The following CDC42BPB variants were observed in gnomAD, a reference collection of about 807,000 sequenced individuals.
CDC42BPB encodes the protein CDC42 binding protein kinase beta.
In CDC42BPB, 37 loss-of-function variants were observed where a neutral mutation model predicts 214.9. That is an observed-to-expected ratio of 0.17 (90% CI 0.13 to 0.23). The LOEUF (loss-of-function observed/expected upper bound fraction) is 0.23. Ranked by LOEUF, CDC42BPB falls within the 10% of genes least tolerant of loss-of-function variation. The pLI is 1.00. For missense variants in CDC42BPB, 1,694 were observed against 2,227.0 expected (o/e 0.76, Z 4.82); for synonymous variants, 931 against 884.0 (o/e 1.05, Z -0.94).
rs1260341251 is a variant in CDC42BPB at position 102,933,076 on chromosome 14, T to G, written c.*636A>C. 6.6e-6 allele frequency: 1 copy of G among 152,460 alleles called. No homozygotes were observed. The highest frequency in any genetic ancestry group is 2.4e-5 in the African/African-American group (1 of 41,430). 9.4% of individuals were successfully genotyped at this position (152,460 alleles called of 1,614,324 possible). On this transcript the variant is annotated 3_prime_UTR_variant, in exon 37 of 37. Transcript: ENST00000361246. ...CTGACTTCACAGTAGTAGATACTGG[T>G]GACACTTCATGGCTGCGACCCAGAA...
At position 102,949,805 on chromosome 14, in the gene CDC42BPB, T is replaced by C; in HGVS notation, c.3409A>G (p.Thr1137Ala). Residue 1137 changes from threonine to alanine, a missense_variant, in exon 26 of 37, where the codon ACC becomes GCC. Physicochemically the swap from Thr to Ala is moderately conservative, Grantham distance 58. Transcript: ENST00000361246. ...FLYDLPEGKS[T>A]QPGVIASQVL... ...TGGCTCGCAATGACACCAGGCTGGGTGGATTTTCCTTCAGGCAGATCATAC... is the reference window on the plus strand; with the variant it reads ...TGGCTCGCAATGACACCAGGCTGGGCGGATTTTCCTTCAGGCAGATCATAC... The C allele has an allele frequency of 6.2e-7, 1 of 1,613,356 alleles. No homozygotes were observed. Among genetic ancestry groups the C allele is most frequent in the Non-Finnish European group, 8.5e-7 (1 of 1,179,980 alleles).
At chr14:102,959,291 C>G (rs1231137599) in intron 21 of CDC42BPB, among the ~76,000 whole-genome samples, 2 of 59,282 alleles carry the variant, frequency 3.4e-5, no homozygotes, top group African/African-American at 8.8e-5. Flanking sequence ...AGCAAGACTC[C>G]GTCTCAAAAA....
chr14:103,043,801 T>C (rs1888140844), intron 1 of CDC42BPB, among the ~76,000 whole-genome samples: 1 of 150,710 alleles, frequency 6.6e-6, no homozygotes, highest in Non-Finnish European at 1.5e-5. Flanking sequence ...TGACAGCTGG[T>C]TTCTGTTTAA....
At chr14:102,997,548 C>T (rs1056449012) in intron 5 of CDC42BPB, among the ~76,000 whole-genome samples, 1 of 152,124 alleles carries the variant, frequency 6.6e-6, no homozygotes, top group Non-Finnish European at 1.5e-5. Flanking sequence ...GAGGAACCAA[C>T]GTGGAAGAGA....
intron 1 of CDC42BPB, chr14:103,041,740 A>G: frequency 1.9e-6 from 1 of 539,514 alleles, no homozygotes; most frequent in Non-Finnish European, 3.4e-6. Flanking sequence ...GGTGGCCCAG[A>G]CCATTAGCAT....
chr14:103,053,530 G>GAT (rs1274622471), intron 1 of CDC42BPB, among the ~76,000 whole-genome samples: 38 of 151,062 alleles, frequency 2.5e-4, no homozygotes, highest in African/African-American at 9.1e-4. Context: ...GGGAGGCCAA[G>GAT]GGGGGCAGAT....
chr14:103,051,154 C>CGGGGGGGGGGGG (rs1179516926), intron 1 of CDC42BPB, among the ~76,000 whole-genome samples: 5 of 6,842 alleles, frequency 7.3e-4, no homozygotes, highest in Admixed American at 1.8e-3. Flanking sequence ...GTATTTGGGG[C>CGGGGGGGGGGGG]GGGGGGGCGG....
intron 6 of CDC42BPB, among the ~76,000 whole-genome samples, chr14:102,985,397 T>C (rs1211747994): frequency 1.3e-5 from 2 of 150,268 alleles, no homozygotes; most frequent in Non-Finnish European, 3.0e-5. Flanking sequence ...GACAGGGTGG[T>C]GTGGAGGTCA....
intron 1 of CDC42BPB, among the ~76,000 whole-genome samples, chr14:103,051,603 C>T (rs544774035): frequency 6.6e-6 from 1 of 152,230 alleles, no homozygotes; most frequent in South Asian, 2.1e-4. Context: ...AGAGGCAGGG[C>T]GGAGGCAAGC....
Position 103,004,071 on chromosome 14 carries a change from C to G in CDC42BPB, c.352-48G>C, listed in dbSNP as rs111540050. On this transcript the variant is annotated intron_variant, in intron 3 of 36. Coordinates refer to ENST00000361246, the MANE Select transcript of CDC42BPB (RefSeq NM_006035.4). This position sits in a 1 kb window ranked among gnomAD's most constrained non-coding sequence, Gnocchi z 5.3. ...AGTCTGTGTTCACTGGGAAGCAGGCCAGAGAGCGTACTGCCGGTCTCGGGG... is the reference window on the plus strand; with the variant it reads ...AGTCTGTGTTCACTGGGAAGCAGGCGAGAGAGCGTACTGCCGGTCTCGGGG... 6.3e-5 allele frequency: 97 copies of G among 1,538,224 alleles called. No homozygotes were observed. The African/African-American group carries it at 1.1e-3, about 17-fold the overall frequency.
chr14:103,003,510 C>A (rs578150075), intron 4 of CDC42BPB, among the ~76,000 whole-genome samples: 1 of 152,238 alleles, frequency 6.6e-6, no homozygotes, highest in Non-Finnish European at 1.5e-5. Flanking sequence ...GCACCCCCCC[C>A]ACCGCGGGAA....
intron 9 of CDC42BPB, among the ~76,000 whole-genome samples, chr14:102,977,032 C>G (rs1893776411): frequency 6.6e-6 from 1 of 152,246 alleles, no homozygotes; most frequent in African/African-American, 2.4e-5. Flanking sequence ...AGATTTCTTC[C>G]AAGCTCGAGC....
chr14:102,994,370 A>AT (rs58120592), intron 5 of CDC42BPB, among the ~76,000 whole-genome samples: 35,562 of 148,188 alleles, frequency 0.24, 5,147 homozygotes, highest in Non-Finnish European at 0.33. Flanking sequence ...GTGGTGGTTG[A>AT]TTTTTTTTTT....
At chr14:102,961,822 C>T (rs1220103366) in intron 20 of CDC42BPB, among the ~76,000 whole-genome samples, 2 of 152,114 alleles carry the variant, frequency 1.3e-5, no homozygotes, top group Non-Finnish European at 2.9e-5. Flanking sequence ...GGATTACAGG[C>T]GTGAGCCACC....
chr14:103,011,661 T>C (rs1272125203), intron 2 of CDC42BPB, among the ~76,000 whole-genome samples: 7 of 152,066 alleles, frequency 4.6e-5, no homozygotes, highest in Non-Finnish European at 8.8e-5. Context: ...TGAGGATAGC[T>C]TGAACCCAGA....
Position 102,975,775 on chromosome 14 carries a change from G to A in CDC42BPB, c.1416C>T (p.His472=), listed in dbSNP as rs770668424. 25 of 1,614,060 alleles carry A rather than the reference G, an allele frequency of 1.5e-5. No individual in the cohort carries two copies. The highest frequency in any genetic ancestry group is 1.4e-4 in the South Asian group (13 of 91,080). ...AATTGCTGAGGGCCCGAGATGAGCC[G>A]TGGAGGGACTGCACGGTCTGGGTGG... ...QESTQTVQSL[H]GSSRALSNSN... is the part of the protein sequence containing the mutation. Residue 472 remains histidine (H), a synonymous_variant, in exon 11 of 37, where the codon CAC becomes CAT. Coordinates refer to ENST00000361246, the MANE Select transcript of CDC42BPB (RefSeq NM_006035.4).
rs771263814 is a variant in CDC42BPB at position 102,999,716 on chromosome 14, A to G, written c.448-3T>C. On this transcript the variant is annotated splice_region_variant and splice_polypyrimidine_tract_variant and intron_variant, in intron 4 of 36. Coordinates refer to ENST00000361246, the MANE Select transcript of CDC42BPB (RefSeq NM_006035.4). ...ACATAGTAATCCATGACTAAGTACT[A>G]CAAATTGGAAAGAGAAGGGGAGAGA... 6.2e-7 allele frequency: 1 copy of G among 1,614,124 alleles called. No homozygotes were observed. Among genetic ancestry groups the G allele is most frequent in the Admixed American group, 1.7e-5 (1 of 60,018 alleles).
In CDC42BPB at chr14:102,954,201, C is replaced by G. The variant is rs1174768308; in HGVS notation, c.3063G>C (p.Pro1021=). The change falls in exon 23 of 37, where the codon CCG becomes CCC. Residue 1021 remains proline (P), a synonymous_variant. Coordinates refer to ENST00000361246, the MANE Select transcript of CDC42BPB (RefSeq NM_006035.4). ...PTTQALALAG[P]KPKAHQFSIK... is the part of the protein sequence containing the mutation. ...CGGGTGAAAGCAAGGCCCCTACCTT[C>G]GGTCCAGCCAGAGCCAGGGCCTGCG... 1 of 1,547,748 alleles carries G rather than the reference C, an allele frequency of 6.5e-7. No homozygotes were observed. Among genetic ancestry groups the G allele is most frequent in the South Asian group, 1.2e-5 (1 of 83,878 alleles).
chr14:103,032,249 C>T (rs989115062), intron 1 of CDC42BPB, among the ~76,000 whole-genome samples: 4 of 152,134 alleles, frequency 2.6e-5, no homozygotes, highest in Non-Finnish European at 5.9e-5. Context: ...ACGCACTTCT[C>T]GGCCTCTCTG....
Sources: allele counts gnomAD v4.1 joint callset (sites outside exome capture counted in the v4.1 genomes callset), GRCh38; gene constraint gnomAD v4.1.1; non-coding constraint Gnocchi (gnomAD v3.1); transcripts MANE v1.5; gene names NCBI Gene and HGNC (gene_info 2026-07-23, HGNC 2026-07-21).